Variants in SUCLA2 observed in about 807,000 individuals in gnomAD.
SUCLA2 encodes succinate-CoA ligase ADP-forming subunit beta, also known as succinate--CoA ligase [ADP-forming] subunit beta, mitochondrial.
Under a neutral mutation model 54.8 loss-of-function variants are expected in SUCLA2, and 30 were observed. That is an observed-to-expected ratio of 0.55 (90% CI 0.41 to 0.74). The LOEUF is 0.74. SUCLA2 is among the 30% of genes least tolerant of loss of function. The pLI is 0.00. For missense variants in SUCLA2, 476 were observed against 562.9 expected, an observed-to-expected ratio of 0.85 and a Z score of 1.56; for synonymous variants, 172 against 188.9, an observed-to-expected ratio of 0.91 and a Z score of 0.74.
At chr13:47,986,321 A>C (rs1030675163) in intron 4 of SUCLA2, among the ~76,000 whole-genome samples, 1 of 151,986 alleles carries the variant, frequency 6.6e-6, no homozygotes, top group Non-Finnish European at 1.5e-5. Flanking sequence ...GTGAGCCACC[A>C]CACCCAGCCT....
chr13:47,955,240 C>T (rs530591379), intron 6 of SUCLA2, among the ~76,000 whole-genome samples: 41 of 152,220 alleles, frequency 2.7e-4, no homozygotes, highest in African/African-American at 8.9e-4. Context: ...CTCGTTCTCA[C>T]ACCCAGACTA....
chr13:47,970,643 T>G (rs975134914), intron 5 of SUCLA2, among the ~76,000 whole-genome samples: 9 of 151,776 alleles, frequency 5.9e-5, no homozygotes, highest in Non-Finnish European at 8.8e-5. Flanking sequence ...GGGCAGATCA[T>G]GAAGTTAGGA....
At chr13:47,951,315 C>T (rs1949773766) in intron 8 of SUCLA2, among the ~76,000 whole-genome samples, 1 of 138,760 alleles carries the variant, frequency 7.2e-6, no homozygotes, top group South Asian at 2.6e-4. Flanking sequence ...TCCGCCACCC[C>T]GCCCCCGCTC....
chr13:47,956,251 C>A lies in SUCLA2; in HGVS notation c.803-1694G>T, dbSNP rs544951834. Among the ~76,000 whole-genome samples, 43 of 152,048 alleles carry A rather than the reference C, an allele frequency of 2.8e-4. No individual in the cohort carries two copies. In the South Asian group the frequency reaches 8.5e-3, roughly 30 times the overall value. On this transcript the variant is annotated intron_variant, in intron 6 of 10. Transcript: ENST00000646932. The stretch of plus-strand genomic sequence containing the variant: ...AAAACAAGGGAACAACATGGAAAAT[C>A]CAGAACTAAAAAGTATAATATCTGA...
At chr13:47,988,272 T>C (rs1459312596) in intron 4 of SUCLA2, 1 of 516,130 alleles carries the variant, frequency 1.9e-6, no homozygotes, top group Non-Finnish European at 3.4e-6. Context: ...TGATTTAAGC[T>C]GCTTTTAGTG....
chr13:47,973,027 G>C (rs1458525518), intron 5 of SUCLA2, among the ~76,000 whole-genome samples: 1 of 151,948 alleles, frequency 6.6e-6, no homozygotes, highest in African/African-American at 2.4e-5. Context: ...TGGGATTACA[G>C]GCGTGAGACA....
At chr13:47,977,727 A>G (rs557503956) in intron 4 of SUCLA2, among the ~76,000 whole-genome samples, 1 of 152,302 alleles carries the variant, frequency 6.6e-6, no homozygotes, top group East Asian at 1.9e-4. Context: ...ATACCCTTTC[A>G]CGATAAAAAT....
intron 4 of SUCLA2, among the ~76,000 whole-genome samples, chr13:47,975,519 A>G (rs1950004779): frequency 6.6e-6 from 1 of 152,206 alleles, no homozygotes; most frequent in Non-Finnish European, 1.5e-5. Flanking sequence ...AAATTAAAGG[A>G]ATAGGATTGC....
intron 4 of SUCLA2, among the ~76,000 whole-genome samples, chr13:47,982,996 C>T (rs937642661): frequency 6.6e-6 from 1 of 152,076 alleles, no homozygotes; most frequent in Non-Finnish European, 1.5e-5. Flanking sequence ...TGAGGGTAAC[C>T]TGGGGACCAC....
intron 5 of SUCLA2, among the ~76,000 whole-genome samples, chr13:47,969,745 C>A (rs1331048478): frequency 6.6e-6 from 1 of 152,090 alleles, no homozygotes; most frequent in Non-Finnish European, 1.5e-5. Context: ...ATCTTAAATT[C>A]TTTGAAGATG....
At position 47,973,391 on chromosome 13, in the gene SUCLA2, C is replaced by A; in HGVS notation, c.536G>T (p.Gly179Val). The change falls in exon 5 of 11, where the codon GGT (glycine) becomes GTT (valine). Residue 179 changes from glycine to valine, a missense_variant and splice_region_variant. Transcript: ENST00000646932. ...FAITMERSFQ[G>V]PVLIGSSHGG... ...ATGTGAACTTCCTATTAATACAGGA[C>A]CCTGGCAAGGGAAGTAAACAACCAA... 6.2e-7 allele frequency: 1 copy of A among 1,613,148 alleles called. No individual in the cohort carries two copies. Among genetic ancestry groups the A allele is most frequent in the East Asian group, 2.2e-5 (1 of 44,808 alleles).
intron 6 of SUCLA2, among the ~76,000 whole-genome samples, chr13:47,962,046 A>C (rs1367213411): frequency 6.6e-6 from 1 of 152,228 alleles, no homozygotes; most frequent in Non-Finnish European, 1.5e-5. Context: ...TATGAAGCAG[A>C]GCAGGAGTTC....
intron 5 of SUCLA2, chr13:47,971,547 CT>C (rs897898114): frequency 3.1e-4 from 78 of 253,014 alleles, no homozygotes; most frequent in East Asian, 8.0e-4. Context: ...TCAATGGGGG[CT>C]TTTTTTTAGT....
At position 47,943,758 on chromosome 13, in the gene SUCLA2, G is replaced by GTA. The variant is rs1306333313; in HGVS notation, c.1318-314_1318-313insTA. On this transcript the variant is annotated intron_variant, in intron 10 of 10. Coordinates refer to ENST00000646932, the MANE Select transcript of SUCLA2 (RefSeq NM_003850.3). ...TGTGTGTATGTATGTGTGTGTGTGT[G>GTA]TGTGTGTGTATATATATATATATTA... Among the ~76,000 whole-genome samples the GTA allele has an allele frequency of 3.1e-3, 392 of 125,670 alleles. 4 individuals are homozygous for GTA. Among genetic ancestry groups the GTA allele is most frequent in the Middle Eastern group, 0.013 (3 of 228 alleles). 82.4% of individuals were successfully genotyped at this position (125,670 alleles called of 152,430 possible). A position where few individuals can be genotyped will look rare whatever the true frequency, so the allele number is the denominator to read the frequency against.
chr13:47,976,617 A>G (rs937503220), intron 4 of SUCLA2, among the ~76,000 whole-genome samples: 3 of 152,212 alleles, frequency 2.0e-5, no homozygotes, highest in African/African-American at 7.2e-5. Flanking sequence ...CCCAGAGGGA[A>G]GTTGACACAG....
At chr13:47,965,959 A>C (rs1593487063) in intron 6 of SUCLA2, among the ~76,000 whole-genome samples, 1 of 152,284 alleles carries the variant, frequency 6.6e-6, no homozygotes, top group East Asian at 1.9e-4. Context: ...GAGGCAGAAG[A>C]ATGGTGAGAA....
At chr13:47,949,717 C>T (rs1949761663) in intron 8 of SUCLA2, 114 bp from the exon 9 acceptor site, 1 of 1,063,408 alleles carries the variant, frequency 9.4e-7, no homozygotes, top group Non-Finnish European at 1.4e-6. Context: ...GAAAGATTTT[C>T]AGACCAAACC....
In SUCLA2 at chr13:47,973,256, C is replaced by T; in HGVS notation, c.663+8G>A. On this transcript the variant is annotated splice_region_variant and intron_variant, in intron 5 of 10. Transcript: ENST00000646932. ...ATAAGCTAGAAATTTTTCAGGAATA[C>T]AACATACCTGGAGAGCTTGTTCCTT... is the stretch of plus-strand genomic sequence containing the variant. 3.1e-6 allele frequency: 5 copies of T among 1,610,698 alleles called. No homozygotes were observed. Among genetic ancestry groups the T allele is most frequent in the Non-Finnish European group, 4.2e-6 (5 of 1,178,434 alleles).
intron 2 of SUCLA2, among the ~76,000 whole-genome samples, chr13:47,996,052 G>A (rs1285252294): frequency 6.6e-6 from 1 of 152,054 alleles, no homozygotes; most frequent in African/African-American, 2.4e-5. Flanking sequence ...GGCTGTATGT[G>A]GTGGCTCACA....
Sources: allele counts gnomAD v4.1 joint callset (sites outside exome capture counted in the v4.1 genomes callset), GRCh38; gene constraint gnomAD v4.1.1; transcripts MANE v1.5; gene names NCBI Gene and HGNC (gene_info 2026-07-23, HGNC 2026-07-21).